Variants in RANBP17 observed in about 807,000 individuals in gnomAD.
RANBP17 encodes the protein RAN binding protein 17.
In RANBP17, 158 loss-of-function variants were observed where a neutral mutation model predicts 141.2. The observed-to-expected ratio is 1.12, with a 90% CI of 0.98 to 1.28. The LOEUF is 1.28. RANBP17 is among the 50% of genes most tolerant of loss of function. The pLI, the probability that RANBP17 is intolerant of heterozygous loss-of-function variation, is 0.00. For missense variants in RANBP17, 1,438 were observed against 1,290.7 expected (o/e 1.11, Z -1.75); for synonymous variants, 430 against 450.0 (o/e 0.96, Z 0.56).
At chr5:170,905,542 A>G (rs1348132850) in intron 5 of RANBP17, among the ~76,000 whole-genome samples, 1 of 152,116 alleles carries the variant, frequency 6.6e-6, no homozygotes, top group Non-Finnish European at 1.5e-5. Context: ...ATTTAAAGTG[A>G]TCTCTTAACT....
At chr5:171,163,455 C>T (rs1299570816) in intron 14 of RANBP17, among the ~76,000 whole-genome samples, 1 of 152,186 alleles carries the variant, frequency 6.6e-6, no homozygotes, top group Non-Finnish European at 1.5e-5. Context: ...CACCTCTCCT[C>T]CTCCCTCCTC....
chr5:170,894,768 C>A (rs1862548), intron 4 of RANBP17, among the ~76,000 whole-genome samples: 91,112 of 151,496 alleles, frequency 0.6, 29,110 homozygotes, highest in South Asian at 0.89. Flanking sequence ...ATCCTACTGT[C>A]ATTTAGGGCA....
chr5:171,123,668 C>T (rs949251840), intron 14 of RANBP17, among the ~76,000 whole-genome samples: 5 of 152,222 alleles, frequency 3.3e-5, no homozygotes, highest in Non-Finnish European at 7.3e-5. Flanking sequence ...TGCATGGTTG[C>T]CTAAGGACCA....
chr5:171,252,232 C>T, intron 24 of RANBP17: 2 of 1,573,136 alleles, frequency 1.3e-6, no homozygotes, highest in Middle Eastern at 2.2e-4. Context: ...TGATATTTTA[C>T]AAGAAGAGAG....
chr5:171,038,389 T>G (rs553309839), intron 14 of RANBP17, among the ~76,000 whole-genome samples: 1 of 152,248 alleles, frequency 6.6e-6, no homozygotes, highest in Admixed American at 6.5e-5. Flanking sequence ...AATCATATTG[T>G]TGGCCAAGAG....
intron 1 of RANBP17, among the ~76,000 whole-genome samples, chr5:170,862,520 G>A (rs1298200328): frequency 6.6e-6 from 1 of 152,216 alleles, no homozygotes; most frequent in African/African-American, 2.4e-5. Context: ...TTGAGCCCCA[G>A]CCGGAGCGGG....
intron 14 of RANBP17, among the ~76,000 whole-genome samples, chr5:171,038,317 C>T (rs1025891863): frequency 6.8e-6 from 1 of 146,902 alleles, no homozygotes; most frequent in Non-Finnish European, 1.5e-5. Context: ...TGAAACTTTA[C>T]TGAAGTTGTT....
intron 1 of RANBP17, among the ~76,000 whole-genome samples, chr5:170,873,253 A>G (rs1767902520): frequency 6.6e-6 from 1 of 152,298 alleles, no homozygotes; most frequent in Admixed American, 6.5e-5. Flanking sequence ...GTTTGCCAGT[A>G]TTTTATTGAG....
intron 14 of RANBP17, among the ~76,000 whole-genome samples, chr5:170,988,086 A>T (rs1021122090): frequency 6.6e-6 from 1 of 151,664 alleles, no homozygotes; most frequent in South Asian, 2.1e-4. Context: ...GTGATTACTT[A>T]ATAAAATATA....
At chr5:170,957,110 C>T (rs1466444971) in intron 13 of RANBP17, among the ~76,000 whole-genome samples, 6 of 151,612 alleles carry the variant, frequency 4.0e-5, no homozygotes, top group Non-Finnish European at 7.4e-5. Flanking sequence ...CACACACACG[C>T]GCACACTGCC....
chr5:171,253,990 A>G (rs1281233600), intron 24 of RANBP17, among the ~76,000 whole-genome samples: 1 of 152,160 alleles, frequency 6.6e-6, no homozygotes, highest in Non-Finnish European at 1.5e-5. Flanking sequence ...GCTCACGCCT[A>G]TAATCCCAAC....
chr5:170,903,411 T>C (rs1770813718), intron 5 of RANBP17: 1 of 153,116 alleles, frequency 6.5e-6, no homozygotes, highest in South Asian at 2.0e-4. Flanking sequence ...TGATCTTAGC[T>C]TGCTGGGCTA....
chr5:170,952,723 C>T (rs942896268), intron 12 of RANBP17, among the ~76,000 whole-genome samples: 6 of 151,984 alleles, frequency 3.9e-5, no homozygotes, highest in Non-Finnish European at 7.4e-5. Context: ...ATAGCCCTCT[C>T]ATCTTTGAAA....
intron 14 of RANBP17, among the ~76,000 whole-genome samples, chr5:171,052,800 T>A (rs1014698600): frequency 6.6e-6 from 1 of 152,226 alleles, no homozygotes; most frequent in Non-Finnish European, 1.5e-5. Context: ...GTAGATTATT[T>A]TCATAAGTAT....
chr5:170,889,546 A>G (rs375781821), intron 3 of RANBP17, among the ~76,000 whole-genome samples: 1 of 152,282 alleles, frequency 6.6e-6, no homozygotes, highest in East Asian at 1.9e-4. Context: ...TTGGCCTATA[A>G]GACAGAATAA....
chr5:171,240,978 A>T lies in RANBP17; in HGVS notation c.2473A>T (p.Met825Leu), dbSNP rs190954840. 6.2e-7 allele frequency: 1 copy of T among 1,614,046 alleles called. No individual in the cohort carries two copies. The highest frequency in any genetic ancestry group is 1.1e-5 in the South Asian group (1 of 91,070). ...CCTCTCAAAAGATCAGATTTATCCA[A>T]TGAAACTCAAGGGCATCTCCATCTG... ...GSLSKDQIYP[M>L]KLKGISICYS... Residue 825 changes from methionine (M) to leucine (L), a missense_variant, in exon 23 of 28, where the codon ATG becomes TTG. Met to Leu is a conservative substitution (Grantham distance 15, BLOSUM62 2). Coordinates refer to ENST00000523189, the MANE Select transcript of RANBP17 (RefSeq NM_022897.5).
chr5:171,048,205 G>A (rs897880844), intron 14 of RANBP17, among the ~76,000 whole-genome samples: 4 of 152,008 alleles, frequency 2.6e-5, no homozygotes, highest in African/African-American at 9.7e-5. Context: ...TGGGACCACA[G>A]GTGCACTACA....
At chr5:171,012,074 ATTGTTTG>A (rs1561986189) in intron 14 of RANBP17, among the ~76,000 whole-genome samples, 1 of 150,862 alleles carries the variant, frequency 6.6e-6, no homozygotes, top group African/African-American at 2.4e-5. Context: ...AAACGAATAT[ATTGTTTG>A]TTTATTTGTT....
At chr5:171,073,245 C>T (rs1361940155) in intron 14 of RANBP17, among the ~76,000 whole-genome samples, 2 of 152,052 alleles carry the variant, frequency 1.3e-5, no homozygotes, top group Non-Finnish European at 2.9e-5. Flanking sequence ...ATTATAAATG[C>T]ATGACATATC....
Sources: gnomAD v4.1 joint callset for allele counts (sites outside exome capture counted in the v4.1 genomes callset) on GRCh38, gnomAD v4.1.1 for gene constraint, MANE v1.5 for transcripts, NCBI Gene and HGNC (gene_info 2026-07-23, HGNC 2026-07-21) for gene names.